Variants in TENM2 observed in about 807,000 individuals in gnomAD.
TENM2 encodes the protein teneurin-2.
A neutral mutation model predicts 245.2 loss-of-function variants in TENM2; 52 were observed. The observed-to-expected ratio is 0.21, with a 90% CI of 0.17 to 0.27. The LOEUF (loss-of-function observed/expected upper bound fraction) is 0.27, where lower values mean the gene tolerates loss of function less well. Ranked by LOEUF, TENM2 falls within the 10% of genes least tolerant of loss-of-function variation. The pLI is 1.00. For synonymous variants in TENM2, 1,363 were observed against 1,438.9 expected, an observed-to-expected ratio of 0.95 and a Z score of 1.19; for missense variants, 3,046 against 3,666.8, an observed-to-expected ratio of 0.83 and a Z score of 4.37.
At chr5:167,602,024 GA>G (rs35674224) in intron 2 of TENM2, among the ~76,000 whole-genome samples, 75,137 of 145,610 alleles carry the variant, frequency 0.52, 21,893 homozygotes, top group Non-Finnish European at 0.67. Flanking sequence ...TTATTGGATA[GA>G]AAAAAAAAAA....
the TENM2 span, among the ~76,000 whole-genome samples, chr5:167,167,312 T>C: frequency 6.6e-6 from 1 of 152,166 alleles, no homozygotes; most frequent in African/African-American, 2.4e-5. Flanking sequence ...ACTTTTATTA[T>C]GGTAAGTTCC....
At chr5:167,342,684 C>T (rs1402726995) in intron 1 of TENM2, among the ~76,000 whole-genome samples, 1 of 151,548 alleles carries the variant, frequency 6.6e-6, no homozygotes, top group East Asian at 2.0e-4. Context: ...CCCGCCACTG[C>T]GCCTGGCTAA....
intron 2 of TENM2, among the ~76,000 whole-genome samples, chr5:167,408,673 G>A (rs1045528809): frequency 7.2e-5 from 11 of 151,772 alleles, no homozygotes; most frequent in African/African-American, 2.7e-4. Context: ...GTTAATAATA[G>A]CAAGCTTATT....
chr5:168,255,922 C>T (rs1392169566), intron 27 of TENM2, among the ~76,000 whole-genome samples: 1 of 152,008 alleles, frequency 6.6e-6, no homozygotes, highest in African/African-American at 2.4e-5. Context: ...TTTCCTGCCT[C>T]GGCCTCCTGA....
intron 4 of TENM2, among the ~76,000 whole-genome samples, chr5:167,960,637 A>G (rs941499771): frequency 6.0e-5 from 9 of 150,218 alleles, no homozygotes; most frequent in African/African-American, 2.0e-4. Flanking sequence ...GCTGGGCTCC[A>G]TGGGTTGGGA....
intron 9 of TENM2, 62 bp downstream of exon 11, chr5:168,098,189 G>T: frequency 8.1e-7 from 1 of 1,235,214 alleles, no homozygotes; most frequent in East Asian, 2.4e-5. Context: ...TTCTCTGAGC[G>T]GGTAACAGAA....
Position 167,774,598 on chromosome 5 carries a change from T to C in TENM2, c.503-101388T>C, listed in dbSNP as rs78433752. On this transcript the variant is annotated intron_variant, in intron 2 of 28. Transcript: ENST00000518659. ...ATCTAATAGATGAACATCCATTTAA[T>C]TCATACATGGATACCCCTGGGTTGC... Among the ~76,000 whole-genome samples, 1,312 of 152,292 alleles carry C rather than the reference T, an allele frequency of 8.6e-3. 24 individuals carry two copies. The highest frequency in any genetic ancestry group is 0.03 in the African/African-American group (1,245 of 41,562).
intron 2 of TENM2, among the ~76,000 whole-genome samples, chr5:167,664,053 C>T (rs572623735): frequency 1.5e-4 from 23 of 152,190 alleles, no homozygotes; most frequent in African/African-American, 4.8e-4. Context: ...GCAATTTGAG[C>T]GGAGAGTGAA....
At position 167,375,467 on chromosome 5, in the gene TENM2, G is replaced by GAGAAC; in HGVS notation, c.497_501dup (p.Gly168ArgfsTer36). On this transcript the variant is annotated frameshift_variant, in exon 2 of 29. Transcript: ENST00000518659. LOFTEE classifies it high-confidence loss of function. ...TGACAACGAAAACAAATCAGATGATGAGAACGGTAGGCCTGCTTCTTAAAT... is the reference window on the plus strand; with the variant it reads ...TGACAACGAAAACAAATCAGATGATGAGAACAGAACGGTAGGCCTGCTTCTTAAAT... The GAGAAC allele has an allele frequency of 6.4e-7, 1 of 1,551,650 alleles. No homozygotes were observed. Among genetic ancestry groups the GAGAAC allele is most frequent in the Non-Finnish European group, 8.7e-7 (1 of 1,146,976 alleles).
chr5:167,528,545 A>C (rs1771274179), intron 2 of TENM2, among the ~76,000 whole-genome samples: 1 of 152,120 alleles, frequency 6.6e-6, no homozygotes, highest in African/African-American at 2.4e-5. Context: ...ATGTATATAA[A>C]ATTCTTACCA....
In TENM2 at chr5:167,570,227, G is replaced by A. The variant is rs1296590080; in HGVS notation, c.502+194754G>A. Among the ~76,000 whole-genome samples the A allele has an allele frequency of 2.0e-5, 3 of 152,184 alleles. No homozygotes were observed. In the East Asian group the frequency reaches 5.8e-4, roughly 29 times the overall value. On this transcript the variant is annotated intron_variant, in intron 2 of 28. Coordinates refer to ENST00000518659, the Ensembl canonical transcript of TENM2. ...AACCACAGAGGCGACTGAAGTTGAG[G>A]CAAACAAATCTGCACTTGATTCTCT...
At chr5:167,640,903 A>C (rs1430327935) in intron 2 of TENM2, among the ~76,000 whole-genome samples, 68 of 95,538 alleles carry the variant, frequency 7.1e-4, no homozygotes, top group East Asian at 1.1e-3. Context: ...ATATATATAT[A>C]TATCTTTCTC....
intron 2 of TENM2, among the ~76,000 whole-genome samples, chr5:167,715,210 G>T (rs902330451): frequency 6.6e-6 from 1 of 150,548 alleles, no homozygotes; most frequent in African/African-American, 2.5e-5. Flanking sequence ...TCCCAAGAGG[G>T]AAGCTGTGTT....
chr5:167,114,631 A>G, the TENM2 span, among the ~76,000 whole-genome samples: 1 of 152,238 alleles, frequency 6.6e-6, no homozygotes, highest in Admixed American at 6.5e-5. Context: ...TGCTTTTTAA[A>G]AAATTAAATC....
the TENM2 span, among the ~76,000 whole-genome samples, chr5:167,059,326 C>T: frequency 2.8e-4 from 42 of 152,252 alleles, no homozygotes; most frequent in Non-Finnish European, 5.7e-4. Context: ...GTGCATTGCT[C>T]AACAGAGAGA....
intron 2 of TENM2, among the ~76,000 whole-genome samples, chr5:167,440,376 C>T (rs1764812728): frequency 6.6e-6 from 1 of 152,142 alleles, no homozygotes; most frequent in Non-Finnish European, 1.5e-5. Flanking sequence ...GTGCCAACTT[C>T]AGCCCATTGG....
the TENM2 span, among the ~76,000 whole-genome samples, chr5:167,211,667 C>T: frequency 6.6e-6 from 1 of 152,108 alleles, no homozygotes; most frequent in Admixed American, 6.5e-5. Flanking sequence ...AGTGGGTGTT[C>T]CCCTATATTT....
intron 2 of TENM2, among the ~76,000 whole-genome samples, chr5:167,450,374 TC>T (rs764992949): frequency 6.6e-6 from 1 of 152,178 alleles, no homozygotes; most frequent in Non-Finnish European, 1.5e-5. Context: ...GTTTATTATT[TC>T]CAGAACATAT....
chr5:167,623,974 C>T (rs1473042049), intron 2 of TENM2, among the ~76,000 whole-genome samples: 1 of 152,018 alleles, frequency 6.6e-6, no homozygotes, highest in East Asian at 1.9e-4. Flanking sequence ...TGTTGGTGAG[C>T]ATGTAAATTA....
Sources: gnomAD v4.1 joint callset for allele counts (sites outside exome capture counted in the v4.1 genomes callset) on GRCh38, gnomAD v4.1.1 for gene constraint, MANE v1.5 for transcripts, NCBI Gene and HGNC (gene_info 2026-07-23, HGNC 2026-07-21) for gene names.